IER3IP1: variants seen among roughly 807,000 people sequenced by gnomAD.
IER3IP1 encodes immediate early response 3 interacting protein 1.
A neutral mutation model predicts 12.2 loss-of-function variants in IER3IP1; 16 were observed. That is an observed-to-expected ratio of 1.31 (90% CI 0.89 to 1.99). The LOEUF (loss-of-function observed/expected upper bound fraction) is 1.99. Among genes scored for constraint, IER3IP1 ranks in the 30% most tolerant of loss-of-function variants. The pLI, the probability that IER3IP1 is intolerant of heterozygous loss-of-function variation, is 0.00. For synonymous variants in IER3IP1, 42 were observed against 40.0 expected (o/e 1.05, Z -0.19); for missense variants, 95 against 95.8 (o/e 0.99, Z 0.03).
intron 1 of IER3IP1, among the ~76,000 whole-genome samples, chr18:47,160,924 T>C (rs1031610017): frequency 3.3e-5 from 5 of 152,218 alleles, no homozygotes; most frequent in Non-Finnish European, 7.3e-5. Context: ...ATTCTTTTGT[T>C]ATTCTCCTAT....
rs1451174391 is a variant in IER3IP1, at chr18:47,153,473, G to A, written c.*2704C>T. 2 of 151,752 alleles carry A rather than the reference G, an allele frequency of 1.3e-5. No homozygotes were observed. Among genetic ancestry groups the A allele is most frequent in the South Asian group, 2.1e-4 (1 of 4,794 alleles). The allele number at this position is 151,752 out of a possible 1,614,324, so 9.4% of individuals were successfully genotyped here. ...TAAATAGGTAAACTTGTGTCACGGG[G>A]GTTTGGCACAGATTATTTCGTTATC... On this transcript the variant is annotated 3_prime_UTR_variant, in exon 3 of 3. Coordinates refer to ENST00000256433, the MANE Select transcript of IER3IP1 (RefSeq NM_016097.5).
intron 1 of IER3IP1, among the ~76,000 whole-genome samples, chr18:47,175,093 C>T (rs1427397223): frequency 1.3e-5 from 2 of 152,224 alleles, no homozygotes; most frequent in East Asian, 3.8e-4. Flanking sequence ...GGGCCTGGCA[C>T]ATACTTTGCA....
intron 1 of IER3IP1, among the ~76,000 whole-genome samples, chr18:47,158,299 A>G (rs1300631097): frequency 2.0e-5 from 3 of 152,072 alleles, no homozygotes; most frequent in East Asian, 1.9e-4. Flanking sequence ...ACACAAGTAC[A>G]AGCCACTGCA....
chr18:47,162,569 A>G lies in IER3IP1; in HGVS notation c.92-5032T>C, dbSNP rs140956722. On this transcript the variant is annotated intron_variant, in intron 1 of 2. Transcript: ENST00000256433. ...AGCAGCTCTTGCTACATTAGGATTA[A>G]AAGTTCAAAAACAGGGGTTGAAAGA... 5.4e-4 allele frequency among the ~76,000 whole-genome samples: 82 copies of G among 152,326 alleles called. 1 individual carries two copies. The East Asian group carries it at 0.014, about 25-fold the overall frequency.
chr18:47,171,728 G>A (rs2064016048), intron 1 of IER3IP1, among the ~76,000 whole-genome samples: 1 of 152,084 alleles, frequency 6.6e-6, no homozygotes, highest in Non-Finnish European at 1.5e-5. Flanking sequence ...GGCTGCGAGA[G>A]CAGGTTGTGG....
chr18:47,164,493 GTT>G (rs111937832), intron 1 of IER3IP1, among the ~76,000 whole-genome samples: 1 of 144,564 alleles, frequency 6.9e-6, no homozygotes, highest in African/African-American at 2.5e-5. Context: ...GCTGTTTTTC[GTT>G]TTTTTTTTTT....
rs1051250438 is a variant in IER3IP1, at chr18:47,155,173, C to T, written c.*1004G>A. Reference sequence around the variant, plus strand: ...ATAGTTTCAACCTTTCTGCATAAAACTGTATTATGAGATAGGCAAACAATC... The same window carrying T: ...ATAGTTTCAACCTTTCTGCATAAAATTGTATTATGAGATAGGCAAACAATC... On this transcript the variant is annotated 3_prime_UTR_variant, in exon 3 of 3. Coordinates refer to ENST00000256433, the MANE Select transcript of IER3IP1 (RefSeq NM_016097.5). 4 of 152,118 alleles carry T rather than the reference C, an allele frequency of 2.6e-5. No homozygotes were observed. The East Asian group carries it at 7.7e-4, about 29-fold the overall frequency. The allele number at this position is 152,118 out of a possible 1,614,324, so 9.4% of individuals were successfully genotyped here.
Position 47,168,301 on chromosome 18 carries a change from C to CAAAAAA in IER3IP1, c.91+7880_91+7885dup, listed in dbSNP as rs35347851. Reference sequence around the variant, plus strand: ...TGGGCCACAGTGCAAGACTCCATCACAAAAAAAAAAAAAAAAAGACAAAAA... The same window carrying CAAAAAA: ...TGGGCCACAGTGCAAGACTCCATCACAAAAAAAAAAAAAAAAAAAAAAAGACAAAAA... On this transcript the variant is annotated intron_variant, in intron 1 of 2. Transcript: ENST00000256433. Among the ~76,000 whole-genome samples, 197 of 107,124 alleles carry CAAAAAA rather than the reference C, an allele frequency of 1.8e-3. 2 individuals carry two copies. The highest frequency in any genetic ancestry group is 7.0e-3 in the African/African-American group (183 of 26,136). 70.3% of individuals were successfully genotyped at this position (107,124 alleles called of 152,430 possible). A position where few individuals can be genotyped will look rare whatever the true frequency, so the allele number is the denominator to read the frequency against.
chr18:47,173,751 G>C (rs1393663032), intron 1 of IER3IP1, among the ~76,000 whole-genome samples: 1 of 152,206 alleles, frequency 6.6e-6, no homozygotes, highest in African/African-American at 2.4e-5. Flanking sequence ...CTAAAAGTCT[G>C]AAATCAAGGC....
Position 47,156,075 on chromosome 18 carries a change from G to A in IER3IP1, c.*102C>T. Reference sequence around the variant, plus strand: ...ATTTTCAGCTTTACATTTTTGACAAGTGCAAGGTCAGCCAGCTAAGATATA... The same window carrying A: ...ATTTTCAGCTTTACATTTTTGACAAATGCAAGGTCAGCCAGCTAAGATATA... On this transcript the variant is annotated 3_prime_UTR_variant, in exon 3 of 3. Transcript: ENST00000256433. 1.3e-6 allele frequency: 1 copy of A among 785,572 alleles called. No individual in the cohort carries two copies. The highest frequency in any genetic ancestry group is 1.7e-5 in the African/African-American group (1 of 57,742). The allele number at this position is 785,572 out of a possible 1,614,324, so 48.7% of individuals were successfully genotyped here.
At chr18:47,156,710 C>CT (rs772288192) in intron 2 of IER3IP1, among the ~76,000 whole-genome samples, 1 of 150,914 alleles carries the variant, frequency 6.6e-6, no homozygotes, top group Non-Finnish European at 1.5e-5. Flanking sequence ...TTTTTGAACT[C>CT]TTTTTTTCTT....
intron 1 of IER3IP1, among the ~76,000 whole-genome samples, chr18:47,169,242 G>A (rs996383232): frequency 1.3e-5 from 2 of 152,092 alleles, no homozygotes; most frequent in Non-Finnish European, 2.9e-5. Context: ...ATGATTTCAA[G>A]GTTCATCCAT....
At chr18:47,169,770 G>T (rs1369450715) in intron 1 of IER3IP1, among the ~76,000 whole-genome samples, 1 of 151,866 alleles carries the variant, frequency 6.6e-6, no homozygotes, top group African/African-American at 2.4e-5. Context: ...ATTCTATTCA[G>T]TTCCTTTGTA....
intron 2 of IER3IP1, among the ~76,000 whole-genome samples, 157 bp from the exon 3 acceptor site, chr18:47,156,389 T>C (rs1195848411): frequency 6.6e-6 from 1 of 152,198 alleles, no homozygotes; most frequent in Non-Finnish European, 1.5e-5. Context: ...CTAAAATACA[T>C]TGGATCATGA....
At position 47,176,330 on chromosome 18, in the gene IER3IP1, G is replaced by A. The variant is rs557625958; in HGVS notation, c.-53C>T. On this transcript the variant is annotated 5_prime_UTR_variant, in exon 1 of 3. Transcript: ENST00000256433. ...AGCGATTTCTCTCCCGCCGCCGCAAGGGACGTGGCGCCTCCACGGCCGGCG... is the reference window on the plus strand; with the variant it reads ...AGCGATTTCTCTCCCGCCGCCGCAAAGGACGTGGCGCCTCCACGGCCGGCG... 5.2e-5 allele frequency: 77 copies of A among 1,492,618 alleles called. No individual in the cohort carries two copies. Among genetic ancestry groups the A allele is most frequent in the Non-Finnish European group, 6.6e-5 (72 of 1,092,410 alleles). 92.5% of individuals were successfully genotyped at this position (1,492,618 alleles called of 1,614,324 possible). A position where few individuals can be genotyped will look rare whatever the true frequency, so the allele number is the denominator to read the frequency against.
chr18:47,173,076 C>T (rs938300190), intron 1 of IER3IP1, among the ~76,000 whole-genome samples: 2 of 152,192 alleles, frequency 1.3e-5, no homozygotes, highest in African/African-American at 4.8e-5. Context: ...CGCCCTAATT[C>T]GTGCTGCTGT....
At chr18:47,168,680 T>C (rs2064005178) in intron 1 of IER3IP1, among the ~76,000 whole-genome samples, 1 of 152,220 alleles carries the variant, frequency 6.6e-6, no homozygotes, top group Non-Finnish European at 1.5e-5. Flanking sequence ...ATTATGATTA[T>C]GCTGCTATGA....
rs1487601382 is a variant in IER3IP1 at position 47,154,712 on chromosome 18, C to T, written c.*1465G>A. 1 of 152,146 alleles carries T rather than the reference C, an allele frequency of 6.6e-6. No individual in the cohort carries two copies. Among genetic ancestry groups the T allele is most frequent in the African/African-American group, 2.4e-5 (1 of 41,438 alleles). 9.4% of individuals were successfully genotyped at this position (152,146 alleles called of 1,614,324 possible). The stretch of plus-strand genomic sequence containing the variant: ...TGAGCCAAGTAATCAACTAAGAATC[C>T]TTGGTACTTTCCTTGGACTAGCTGC... On this transcript the variant is annotated 3_prime_UTR_variant, in exon 3 of 3. Transcript: ENST00000256433.
intron 1 of IER3IP1, among the ~76,000 whole-genome samples, chr18:47,169,678 G>A (rs868779758): frequency 2.0e-5 from 3 of 150,570 alleles, no homozygotes; most frequent in African/African-American, 4.9e-5. Context: ...TTATGGTTTC[G>A]GTTTGCACTT....
Sources: gnomAD v4.1 joint callset for allele counts (sites outside exome capture counted in the v4.1 genomes callset) on GRCh38, gnomAD v4.1.1 for gene constraint, MANE v1.5 for transcripts, NCBI Gene and HGNC (gene_info 2026-07-23, HGNC 2026-07-21) for gene names.